The following FYCO1 variants were observed in gnomAD, a reference collection of about 807,000 sequenced individuals.
FYCO1 encodes the protein FYVE and coiled-coil domain-containing protein 1.
Under a neutral mutation model 165.1 loss-of-function variants are expected in FYCO1, and 122 were observed. The observed-to-expected ratio is 0.74, with a 90% CI of 0.64 to 0.86. FYCO1 has a LOEUF of 0.86. Among genes scored for constraint, FYCO1 ranks in the 40% least tolerant of loss-of-function variants. The pLI is 0.00. For missense variants in FYCO1, 1,702 were observed against 1,810.3 expected, an observed-to-expected ratio of 0.94 and a Z score of 1.09; for synonymous variants, 648 against 742.5, an observed-to-expected ratio of 0.87 and a Z score of 2.07.
At chr3:45,929,607 C>G (rs1005968584) in intron 16 of FYCO1, among the ~76,000 whole-genome samples, 3 of 152,132 alleles carry the variant, frequency 2.0e-5, no homozygotes, top group Non-Finnish European at 4.4e-5. Context: ...GTTGGCCGCA[C>G]CAGGACCTCC....
intron 2 of FYCO1, among the ~76,000 whole-genome samples, chr3:45,984,173 T>C (rs945730445): frequency 6.6e-6 from 1 of 152,216 alleles, no homozygotes; most frequent in African/African-American, 2.4e-5. Flanking sequence ...GGAAAACTTA[T>C]AAAAACTCTG....
intron 14 of FYCO1, among the ~76,000 whole-genome samples, chr3:45,944,331 T>G (rs1023904014): frequency 5.9e-5 from 9 of 152,230 alleles, no homozygotes; most frequent in Non-Finnish European, 1.0e-4. Flanking sequence ...TGACATCTAT[T>G]TGTTGTAATA....
rs780972831 is a variant in FYCO1 at position 45,967,669 on chromosome 3, C to T, written c.1665G>A (p.Arg555=). The part of the protein sequence containing the change: ...HLSQQVGMLE[R]LAGPPGPELP... Reference sequence around the variant, plus strand: ...GTTCTGGGCCAGGCGGCCCAGCAAGCCGCTCGAGCATACCCACCTGCTGGC... The same window carrying T: ...GTTCTGGGCCAGGCGGCCCAGCAAGTCGCTCGAGCATACCCACCTGCTGGC... Residue 555 remains arginine (R), a synonymous_variant, in exon 8 of 18, where the codon CGG becomes CGA. Coordinates refer to ENST00000296137, the MANE Select transcript of FYCO1 (RefSeq NM_024513.4). 2 of 1,613,876 alleles carry T rather than the reference C, an allele frequency of 1.2e-6. No individual in the cohort carries two copies. Among genetic ancestry groups the T allele is most frequent in the Non-Finnish European group, 1.7e-6 (2 of 1,180,028 alleles).
chr3:45,972,620 G>A (rs1250947823), intron 6 of FYCO1, among the ~76,000 whole-genome samples: 4 of 152,186 alleles, frequency 2.6e-5, no homozygotes, highest in Non-Finnish European at 5.9e-5. Context: ...CCACACTGGT[G>A]TAAGATATGG....
chr3:45,977,050 G>C (rs1024850789), intron 4 of FYCO1, among the ~76,000 whole-genome samples: 1 of 152,104 alleles, frequency 6.6e-6, no homozygotes, highest in Non-Finnish European at 1.5e-5. Context: ...GTCTAAATCA[G>C]TTTTCCACTG....
intron 14 of FYCO1, 97 bp downstream of exon 14, chr3:45,955,152 C>T: frequency 7.1e-7 from 1 of 1,413,316 alleles, no homozygotes. Context: ...ACAGTCAATC[C>T]TGCTTCCAGT....
chr3:45,978,420 C>A (rs1575382200), intron 4 of FYCO1, among the ~76,000 whole-genome samples: 1 of 152,194 alleles, frequency 6.6e-6, no homozygotes. Flanking sequence ...AGAACCAGCC[C>A]TTTAGAGCCA....
At position 45,920,493 on chromosome 3, in the gene FYCO1, CA is replaced by C. The variant is rs1703053318; in HGVS notation, c.*1271del. 1 of 152,168 alleles carries C rather than the reference CA, an allele frequency of 6.6e-6. No homozygotes were observed. The highest frequency in any genetic ancestry group is 2.1e-4 in the South Asian group (1 of 4,824). The allele number at this position is 152,168 out of a possible 1,614,324, so 9.4% of individuals were successfully genotyped here. ...GACTGCAGGCAGCTGGTTCCATGAA[CA>C]AGGGACGAAGAGCTGTCCAAGGTGA... On this transcript the variant is annotated 3_prime_UTR_variant, in exon 18 of 18. Coordinates refer to ENST00000296137, the MANE Select transcript of FYCO1 (RefSeq NM_024513.4).
chr3:45,921,517 G>C lies in FYCO1; in HGVS notation c.*248C>G, dbSNP rs1406471508. ...TAAACCTTTGGCAGAGCATCCCTTT[G>C]GGTGTGACAACAGCTGAGTCTCTAC... is the stretch of plus-strand genomic sequence containing the variant. On this transcript the variant is annotated 3_prime_UTR_variant, in exon 18 of 18. Coordinates refer to ENST00000296137, the MANE Select transcript of FYCO1 (RefSeq NM_024513.4). 1.4e-5 allele frequency: 7 copies of C among 502,870 alleles called. No individual in the cohort carries two copies. The highest frequency in any genetic ancestry group is 1.9e-5 in the African/African-American group (1 of 51,390). 31.2% of individuals were successfully genotyped at this position (502,870 alleles called of 1,614,324 possible).
At chr3:45,978,257 G>A (rs372057508) in intron 4 of FYCO1, among the ~76,000 whole-genome samples, 8 of 152,290 alleles carry the variant, frequency 5.3e-5, no homozygotes, top group Non-Finnish European at 8.8e-5. Flanking sequence ...CTGATGCAGC[G>A]GCTGAGGAAT....
At chr3:45,945,709 T>G (rs890900279) in intron 14 of FYCO1, 1 of 152,124 alleles carries the variant, frequency 6.6e-6, no homozygotes, top group Non-Finnish European at 1.5e-5. Context: ...CCATAAACTG[T>G]GTTAACTGAT....
chr3:45,986,318 C>G (rs536698896), intron 1 of FYCO1, among the ~76,000 whole-genome samples: 134 of 152,280 alleles, frequency 8.8e-4, no homozygotes, highest in Non-Finnish European at 1.4e-3. Context: ...GTAATGTGAA[C>G]ACCCTGAGTG....
At chr3:45,983,448 T>G (rs143825411) in intron 2 of FYCO1, among the ~76,000 whole-genome samples, 4 of 152,330 alleles carry the variant, frequency 2.6e-5, no homozygotes, top group African/African-American at 9.6e-5. Context: ...CCCACCAAAG[T>G]GCTCTGTGGC....
At position 45,967,876 on chromosome 3, in the gene FYCO1, C is replaced by T; in HGVS notation, c.1458G>A (p.Glu486=). 8.1e-6 allele frequency: 13 copies of T among 1,614,158 alleles called. No homozygotes were observed. The highest frequency in any genetic ancestry group is 1.1e-5 in the Non-Finnish European group (13 of 1,180,032). The stretch of plus-strand genomic sequence containing the variant: ...TTTTCTCCCGCCTCAACTCTGCTAG[C>T]TCCTCCTCCCAGGAGCTCGTGTGGG... ...LLAHTSSWEE[E]LAELRREKKQ... is the part of the protein sequence containing the mutation. Residue 486 remains glutamate, a synonymous_variant, in exon 8 of 18, where the codon GAG becomes GAA. Transcript: ENST00000296137.
In FYCO1 at chr3:45,970,305, G is replaced by A. The variant is rs142552497; in HGVS notation, c.540-540C>T. On this transcript the variant is annotated intron_variant, in intron 6 of 17. Transcript: ENST00000296137. ...TTGTGTGATAACTCTCGTTTAGCAG[G>A]AACACTGGAAACGAAACACATTTTT... 4.6e-4 allele frequency among the ~76,000 whole-genome samples: 70 copies of A among 152,284 alleles called. 1 individual carries two copies. The East Asian group carries it at 0.013, about 27-fold the overall frequency.
At chr3:45,934,136 A>C (rs1488859568) in intron 15 of FYCO1, among the ~76,000 whole-genome samples, 1 of 152,228 alleles carries the variant, frequency 6.6e-6, no homozygotes, top group Non-Finnish European at 1.5e-5. Context: ...ACAGAGCCTG[A>C]GGAATCTACA....
At chr3:45,925,861 A>G (rs920886377) in intron 16 of FYCO1, among the ~76,000 whole-genome samples, 1 of 152,228 alleles carries the variant, frequency 6.6e-6, no homozygotes, top group Non-Finnish European at 1.5e-5. Context: ...ATGAGAAGGG[A>G]TCTGGCTGTT....
Position 45,920,489 on chromosome 3 carries a change from T to C in FYCO1, c.*1276A>G, listed in dbSNP as rs897710003. 2 of 152,216 alleles carry C rather than the reference T, an allele frequency of 1.3e-5. No homozygotes were observed. The highest frequency in any genetic ancestry group is 2.4e-5 in the African/African-American group (1 of 41,428). The allele number at this position is 152,216 out of a possible 1,614,324, so 9.4% of individuals were successfully genotyped here. ...GCCTGACTGCAGGCAGCTGGTTCCA[T>C]GAACAAGGGACGAAGAGCTGTCCAA... On this transcript the variant is annotated 3_prime_UTR_variant, in exon 18 of 18. Coordinates refer to ENST00000296137, the MANE Select transcript of FYCO1 (RefSeq NM_024513.4).
rs1318385878 is a variant in FYCO1, at chr3:45,967,320, G to A, written c.2014C>T (p.His672Tyr). Residue 672 changes from histidine to tyrosine, a missense_variant, in exon 8 of 18, where the codon CAC becomes TAC. Coordinates refer to ENST00000296137, the MANE Select transcript of FYCO1 (RefSeq NM_024513.4). ...SLEAEQASIR[H>Y]LGDQMEASLL... ...CTCGCCTCCATCTGGTCACCCAAGT[G>A]CCGGATGCTGGCCTGCTCGGCCTCC... The A allele has an allele frequency of 6.2e-7, 1 of 1,613,204 alleles. No homozygotes were observed. Among genetic ancestry groups the A allele is most frequent in the Non-Finnish European group, 8.5e-7 (1 of 1,179,630 alleles).
Sources: allele counts gnomAD v4.1 joint callset (sites outside exome capture counted in the v4.1 genomes callset), GRCh38; gene constraint gnomAD v4.1.1; transcripts MANE v1.5; gene names NCBI Gene and HGNC (gene_info 2026-07-23, HGNC 2026-07-21).